Variants in KPNA6 observed in about 807,000 individuals in gnomAD.
KPNA6 encodes karyopherin subunit alpha 6.
Under a neutral mutation model 72.0 loss-of-function variants are expected in KPNA6, and 9 were observed. That is an observed-to-expected ratio of 0.13 (90% CI 0.08 to 0.22). KPNA6 has a LOEUF of 0.22. KPNA6 is among the 10% of genes least tolerant of loss of function. KPNA6 has a pLI of 1.00. For synonymous variants in KPNA6, 219 were observed against 242.1 expected, an observed-to-expected ratio of 0.90 and a Z score of 0.89; for missense variants, 374 against 655.7, an observed-to-expected ratio of 0.57 and a Z score of 4.69.
At chr1:32,142,153 G>A (rs908043770) in intron 1 of KPNA6, among the ~76,000 whole-genome samples, 1 of 151,518 alleles carries the variant, frequency 6.6e-6, no homozygotes, top group Non-Finnish European at 1.5e-5. Context: ...CTACTCAGGA[G>A]GCTGAGGCAG....
chr1:32,169,947 T>C lies in KPNA6; in HGVS notation c.1310T>C (p.Ile437Thr). 1.9e-6 allele frequency: 3 copies of C among 1,614,004 alleles called. No individual in the cohort carries two copies. Among genetic ancestry groups the C allele is most frequent in the East Asian group, 4.5e-5 (2 of 44,874 alleles). ...TTGCTGACTGTAATGGATTCGAAGA[T>C]TGTGCAAGTGGCCCTCAATGGACTG... Reference protein sequence around the residue: ...CDLLTVMDSKIVQVALNGLEN... With the variant: ...CDLLTVMDSKTVQVALNGLEN... Residue 437 changes from isoleucine to threonine, a missense_variant, in exon 13 of 14, where the codon ATT (isoleucine) becomes ACT (threonine). Ile to Thr is a moderately conservative substitution (Grantham distance 89, BLOSUM62 -1). Coordinates refer to ENST00000373625, the MANE Select transcript of KPNA6 (RefSeq NM_012316.5).
At chr1:32,157,012 C>G in intron 3 of KPNA6, 67 bp downstream of exon 3, 1 of 1,149,380 alleles carries the variant, frequency 8.7e-7, no homozygotes, top group South Asian at 1.3e-5. Flanking sequence ...GAAATTGGGC[C>G]GTTCACATCA....
intron 1 of KPNA6, among the ~76,000 whole-genome samples, chr1:32,112,693 A>G (rs1034837889): frequency 6.6e-6 from 1 of 152,030 alleles, no homozygotes; most frequent in Admixed American, 6.6e-5. Context: ...GAGTTTTACC[A>G]TGTTGGACAG....
intron 10 of KPNA6, 87 bp from the exon 11 acceptor site, chr1:32,166,018 C>G: frequency 1.6e-6 from 2 of 1,272,080 alleles, no homozygotes; most frequent in South Asian, 1.9e-5. Flanking sequence ...ACAAAAACAA[C>G]AACAACAACA....
intron 6 of KPNA6, 94 bp downstream of exon 6, chr1:32,159,625 A>T: frequency 7.1e-7 from 1 of 1,405,310 alleles, no homozygotes; most frequent in Non-Finnish European, 9.7e-7. Context: ...CAGTGTTAAA[A>T]CTCTTGGAAT....
intron 1 of KPNA6, among the ~76,000 whole-genome samples, chr1:32,143,637 A>T (rs1384491013): frequency 6.6e-6 from 1 of 152,012 alleles, no homozygotes; most frequent in Non-Finnish European, 1.5e-5. Context: ...AAAATTTTCA[A>T]TTTAAGTGTA....
intron 13 of KPNA6, among the ~76,000 whole-genome samples, chr1:32,170,366 T>TG (rs1431597349): frequency 6.6e-6 from 1 of 152,048 alleles, no homozygotes; most frequent in East Asian, 1.9e-4. Flanking sequence ...TTCTAAGGAG[T>TG]GATAGGTCAG....
At chr1:32,141,354 CTT>C (rs796943396) in intron 1 of KPNA6, among the ~76,000 whole-genome samples, 1 of 44,400 alleles carries the variant, frequency 2.3e-5, no homozygotes, top group Non-Finnish European at 6.2e-5. Context: ...TCCATTAGGG[CTT>C]TTTTTTTTTA....
intron 1 of KPNA6, among the ~76,000 whole-genome samples, chr1:32,128,387 T>TTATTTA (rs1641571923): frequency 2.8e-5 from 2 of 72,170 alleles, no homozygotes; most frequent in Non-Finnish European, 5.6e-5. Flanking sequence ...ATATATGTAT[T>TTATTTA]TATATATATA....
At chr1:32,115,408 G>T (rs987399656) in intron 1 of KPNA6, among the ~76,000 whole-genome samples, 1 of 152,072 alleles carries the variant, frequency 6.6e-6, no homozygotes, top group East Asian at 1.9e-4. Flanking sequence ...AAAGTGCTGG[G>T]ATTACAAGGC....
intron 1 of KPNA6, 29 bp from the exon 2 acceptor site, chr1:32,154,559 T>C: frequency 6.2e-7 from 1 of 1,600,256 alleles, no homozygotes; most frequent in Non-Finnish European, 8.5e-7. Flanking sequence ...CTCTCAAGAG[T>C]TTTTGGCAGT....
At chr1:32,113,445 T>A (rs1007944250) in intron 1 of KPNA6, among the ~76,000 whole-genome samples, 2 of 152,094 alleles carry the variant, frequency 1.3e-5, no homozygotes, top group Non-Finnish European at 2.9e-5. Context: ...TATGTATGTA[T>A]GTATATATGT....
intron 1 of KPNA6, among the ~76,000 whole-genome samples, chr1:32,134,811 T>G (rs1482019568): frequency 6.6e-6 from 1 of 152,054 alleles, no homozygotes; most frequent in Non-Finnish European, 1.5e-5. Flanking sequence ...GAAAGTACCT[T>G]AGTGATTGTT....
intron 1 of KPNA6, among the ~76,000 whole-genome samples, chr1:32,143,528 G>A (rs1341561972): frequency 6.9e-6 from 1 of 144,884 alleles, no homozygotes; most frequent in East Asian, 2.0e-4. Context: ...AGCCAAGATC[G>A]CACTGCTGCA....
chr1:32,145,152 G>T (rs1412374105), intron 1 of KPNA6, among the ~76,000 whole-genome samples: 2 of 151,276 alleles, frequency 1.3e-5, no homozygotes, highest in African/African-American at 4.9e-5. Flanking sequence ...GTAGAGGCGG[G>T]GTTTCACTGG....
chr1:32,109,577 T>C (rs551387977), intron 1 of KPNA6, among the ~76,000 whole-genome samples: 2 of 151,916 alleles, frequency 1.3e-5, no homozygotes, highest in South Asian at 4.2e-4. Context: ...TGTAAATGTG[T>C]TTGGGTTTTC....
At position 32,162,058 on chromosome 1, in the gene KPNA6, A is replaced by G. The variant is rs763323093; in HGVS notation, c.747+12A>G. 77 of 1,599,010 alleles carry G rather than the reference A, an allele frequency of 4.8e-5. No homozygotes were observed. The highest frequency in any genetic ancestry group is 6.3e-5 in the Non-Finnish European group (74 of 1,166,806). ...CAGAGTTTGCAAAGGTGAGAGAGCT[A>G]CTTACTAGACCCTGAGTGACATCAG... On this transcript the variant is annotated intron_variant, in intron 8 of 13. Coordinates refer to ENST00000373625, the MANE Select transcript of KPNA6 (RefSeq NM_012316.5).
intron 1 of KPNA6, among the ~76,000 whole-genome samples, chr1:32,145,531 G>A (rs544897234): frequency 6.7e-6 from 1 of 150,036 alleles, no homozygotes; most frequent in East Asian, 2.0e-4. Context: ...CATCATGTTG[G>A]CCAGGCTGGC....
chr1:32,161,302 A>G (rs1417325963), intron 7 of KPNA6, among the ~76,000 whole-genome samples: 1 of 152,148 alleles, frequency 6.6e-6, no homozygotes, highest in Non-Finnish European at 1.5e-5. Context: ...GAAAAATCCA[A>G]CCTTCTCTAC....
Sources: gnomAD v4.1 joint callset for allele counts (sites outside exome capture counted in the v4.1 genomes callset) on GRCh38, gnomAD v4.1.1 for gene constraint, MANE v1.5 for transcripts, NCBI Gene and HGNC (gene_info 2026-07-23, HGNC 2026-07-21) for gene names.